The following EIF2AK2 variants were observed in gnomAD, a reference collection of about 807,000 sequenced individuals.
EIF2AK2 encodes interferon-induced, double-stranded RNA-activated protein kinase.
In EIF2AK2, 40 loss-of-function variants were observed where a neutral mutation model predicts 70.5. The ratio of observed to expected loss-of-function variants is 0.57; its 90% CI spans 0.44 to 0.74. The LOEUF (loss-of-function observed/expected upper bound fraction) is 0.74, where lower values mean the gene tolerates loss of function less well. EIF2AK2 is among the 30% of genes least tolerant of loss of function. The pLI, the probability that EIF2AK2 is intolerant of heterozygous loss-of-function variation, is 0.00. For synonymous variants in EIF2AK2, 198 were observed against 220.9 expected, an observed-to-expected ratio of 0.90 and a Z score of 0.92; for missense variants, 555 against 644.3, an observed-to-expected ratio of 0.86 and a Z score of 1.50.
chr2:37,109,126 G>A lies in EIF2AK2; in HGVS notation c.1479+68C>T, dbSNP rs1175913419. On this transcript the variant is annotated intron_variant, in intron 15 of 16. Transcript: ENST00000233057. ...CCTCACGTGAGGGCAAGAACTGTCTGCAGCAGCACTCTGAAGGTGGTAGTC... is the reference window on the plus strand; with the variant it reads ...CCTCACGTGAGGGCAAGAACTGTCTACAGCAGCACTCTGAAGGTGGTAGTC... 3.5e-6 allele frequency: 5 copies of A among 1,411,814 alleles called. No individual in the cohort carries two copies. The Admixed American group carries it at 8.9e-5, about 25-fold the overall frequency. The allele number at this position is 1,411,814 out of a possible 1,614,324, so 87.5% of individuals were successfully genotyped here. A position where few individuals can be genotyped will look rare whatever the true frequency, so the allele number is the denominator to read the frequency against.
At chr2:37,138,165 G>T in intron 8 of EIF2AK2, 105 bp downstream of exon 8, 5 of 791,814 alleles carry the variant, frequency 6.3e-6, no homozygotes, top group East Asian at 2.9e-5. Context: ...GAGTGCATAA[G>T]ATAAAAAATA....
intron 10 of EIF2AK2, among the ~76,000 whole-genome samples, chr2:37,130,638 C>T (rs1178848986): frequency 6.6e-6 from 1 of 152,162 alleles, no homozygotes; most frequent in Non-Finnish European, 1.5e-5. Flanking sequence ...CTCTATCTTC[C>T]TCCTCTCAAA....
chr2:37,130,720 C>G (rs1233521493), intron 10 of EIF2AK2, among the ~76,000 whole-genome samples: 1 of 152,220 alleles, frequency 6.6e-6, no homozygotes, highest in Non-Finnish European at 1.5e-5. Flanking sequence ...TGTCTTCCCC[C>G]AGGGGTTTAG....
intron 6 of EIF2AK2, 69 bp from the exon 7 acceptor site, chr2:37,138,654 T>C (rs1260231352): frequency 3.8e-6 from 5 of 1,316,066 alleles, no homozygotes; most frequent in South Asian, 1.2e-5. Context: ...GCTCAGTTTC[T>C]ATGTACTATC....
chr2:37,145,494 A>G (rs1463177404), intron 4 of EIF2AK2, among the ~76,000 whole-genome samples: 1 of 152,132 alleles, frequency 6.6e-6, no homozygotes. Flanking sequence ...AATGTTAAAA[A>G]TAAGAAGTTT....
intron 12 of EIF2AK2, 43 bp from the exon 13 acceptor site, chr2:37,120,182 T>A (rs1304380112): frequency 8.4e-7 from 1 of 1,183,676 alleles, no homozygotes; most frequent in East Asian, 3.2e-5. Flanking sequence ...ACAATAAATA[T>A]AAATTTATAA....
In EIF2AK2 at chr2:37,099,649, T is replaced by G. The variant is rs1293909006; in HGVS notation, c.*7624A>C. 1 of 152,224 alleles carries G rather than the reference T, an allele frequency of 6.6e-6. No individual in the cohort carries two copies. Among genetic ancestry groups the G allele is most frequent in the Non-Finnish European group, 1.5e-5 (1 of 68,044 alleles). 9.4% of individuals were successfully genotyped at this position (152,224 alleles called of 1,614,324 possible). A position where few individuals can be genotyped will look rare whatever the true frequency, so the allele number is the denominator to read the frequency against. ...GAGTTACTGTATAATCCAGCCATTC[T>G]CCTAGGAATATACATCCAAGAGAAA... On this transcript the variant is annotated 3_prime_UTR_variant, in exon 17 of 17. Transcript: ENST00000233057.
chr2:37,143,892 GACAACA>G lies in EIF2AK2; in HGVS notation c.241-2197_241-2192del, dbSNP rs201353884. Among the ~76,000 whole-genome samples, 59 of 151,800 alleles carry G rather than the reference GACAACA, an allele frequency of 3.9e-4. 1 individual carries two copies. In the East Asian group the frequency reaches 0.01, roughly 26 times the overall value. ...AGAGTACGACCCTGTCTCAAAAAAC[GACAACA>G]ACAACAACAAAAAAACTATTTACAT... On this transcript the variant is annotated intron_variant, in intron 4 of 16. Coordinates refer to ENST00000233057, the MANE Select transcript of EIF2AK2 (RefSeq NM_001135651.3).
At chr2:37,150,424 A>C (rs1675702233) in intron 1 of EIF2AK2, among the ~76,000 whole-genome samples, 2 of 151,842 alleles carry the variant, frequency 1.3e-5, no homozygotes, top group African/African-American at 4.8e-5. Flanking sequence ...AATATTTTTA[A>C]ATTTTTTTTG....
Position 37,135,495 on chromosome 2 carries a change from A to C in EIF2AK2, c.774T>G (p.Thr258=). Residue 258 remains threonine (T), a synonymous_variant, in exon 10 of 17, where the codon ACT becomes ACG. Coordinates refer to ENST00000233057, the MANE Select transcript of EIF2AK2 (RefSeq NM_001135651.3). The part of the protein sequence containing the change: ...DLPDMKETKY[T]VDKRFGMDFK... ...ACTTAAAATCTTACCTCTTGTCCAC[A>C]GTATACTTTGTTTCTTTCATGTCAG... 6.2e-7 allele frequency: 1 copy of C among 1,608,572 alleles called. No individual in the cohort carries two copies. The highest frequency in any genetic ancestry group is 8.5e-7 in the Non-Finnish European group (1 of 1,177,612).
intron 2 of EIF2AK2, chr2:37,148,550 G>T: frequency 1.3e-6 from 1 of 741,882 alleles, no homozygotes; most frequent in Non-Finnish European, 2.4e-6. Context: ...GATAGTTGCA[G>T]TCCAGCTTCG....
intron 12 of EIF2AK2, among the ~76,000 whole-genome samples, chr2:37,121,861 A>AT (rs1454088498): frequency 6.6e-6 from 1 of 152,096 alleles, no homozygotes; most frequent in Non-Finnish European, 1.5e-5. Flanking sequence ...ATGGGACCCC[A>AT]TTGGCCTCAG....
intron 13 of EIF2AK2, among the ~76,000 whole-genome samples, chr2:37,119,030 A>T (rs1189387394): frequency 6.6e-6 from 1 of 152,178 alleles, no homozygotes; most frequent in Non-Finnish European, 1.5e-5. Context: ...ATGAGAGAGA[A>T]GAACATGAGC....
intron 10 of EIF2AK2, among the ~76,000 whole-genome samples, chr2:37,133,956 C>G (rs1040641033): frequency 2.0e-5 from 3 of 152,058 alleles, no homozygotes; most frequent in Admixed American, 6.6e-5. Context: ...CCGATACAAC[C>G]ACTCCTCACT....
rs1673806792 is a variant in EIF2AK2, at chr2:37,100,690, A to G, written c.*6583T>C. The stretch of plus-strand genomic sequence containing the variant: ...TTTAGAGAGAAAGAGTTAACATTTC[A>G]GTGGAGACCTTTCCTATCTTGTATT... On this transcript the variant is annotated 3_prime_UTR_variant, in exon 17 of 17. Transcript: ENST00000233057. 6.6e-6 allele frequency: 1 copy of G among 152,224 alleles called. No homozygotes were observed. The highest frequency in any genetic ancestry group is 2.4e-5 in the African/African-American group (1 of 41,458). The allele number at this position is 152,224 out of a possible 1,614,324, so 9.4% of individuals were successfully genotyped here.
intron 6 of EIF2AK2, 66 bp from the exon 7 acceptor site, chr2:37,138,651 T>G: frequency 7.6e-7 from 1 of 1,322,168 alleles, no homozygotes; most frequent in East Asian, 2.4e-5. Context: ...GAGGCTCAGT[T>G]TCTATGTACT....
rs985741217 is a variant in EIF2AK2, at chr2:37,103,715, T to C, written c.*3558A>G. The C allele has an allele frequency of 6.6e-6, 1 of 152,212 alleles. No homozygotes were observed. The highest frequency in any genetic ancestry group is 1.5e-5 in the Non-Finnish European group (1 of 68,044). The allele number at this position is 152,212 out of a possible 1,614,324, so 9.4% of individuals were successfully genotyped here. ...GTGTACTGTCATCTAGATTTACCAATTGTACAATGGCTAATATTTTGCCAC... is the reference window on the plus strand; with the variant it reads ...GTGTACTGTCATCTAGATTTACCAACTGTACAATGGCTAATATTTTGCCAC... On this transcript the variant is annotated 3_prime_UTR_variant, in exon 17 of 17. Transcript: ENST00000233057.
In EIF2AK2 at chr2:37,106,550, C is replaced by T. The variant is rs939400215; in HGVS notation, c.*723G>A. On this transcript the variant is annotated 3_prime_UTR_variant, in exon 17 of 17. Coordinates refer to ENST00000233057, the MANE Select transcript of EIF2AK2 (RefSeq NM_001135651.3). ...TACTAGATAATGCCAAATTGTTTTC[C>T]GAAGTGGTTGTACATCACTTTTTTT... The T allele has an allele frequency of 6.8e-6, 1 of 147,152 alleles. No individual in the cohort carries two copies. The highest frequency in any genetic ancestry group is 1.5e-5 in the Non-Finnish European group (1 of 67,300). 9.1% of individuals were successfully genotyped at this position (147,152 alleles called of 1,614,324 possible).
intron 13 of EIF2AK2, among the ~76,000 whole-genome samples, chr2:37,116,970 G>C (rs139529543): frequency 0.011 from 1,659 of 152,302 alleles, 27 homozygotes; most frequent in African/African-American, 0.036. Flanking sequence ...CCAGCACTTT[G>C]GGAGGCTGAA....
Sources: gnomAD v4.1 joint callset for allele counts (sites outside exome capture counted in the v4.1 genomes callset) on GRCh38, gnomAD v4.1.1 for gene constraint, MANE v1.5 for transcripts, NCBI Gene and HGNC (gene_info 2026-07-23, HGNC 2026-07-21) for gene names.